The following KCNQ1 variants were observed in gnomAD, a reference collection of about 807,000 sequenced individuals.
KCNQ1 encodes the protein potassium voltage-gated channel subfamily Q member 1, also known as potassium voltage-gated channel subfamily KQT member 1.
KCNQ1 carries 49 observed loss-of-function variants against 72.4 expected under a neutral mutation model. The observed-to-expected ratio is 0.68, with a 90% confidence interval of 0.54 to 0.86. The LOEUF is 0.86. Among genes scored for constraint, KCNQ1 ranks in the 40% least tolerant of loss-of-function variants. The pLI, the probability that KCNQ1 is intolerant of heterozygous loss-of-function variation, is 0.00. For synonymous variants in KCNQ1, 450 were observed against 412.6 expected (o/e 1.09, Z -1.10); for missense variants, 790 against 945.1 (o/e 0.84, Z 2.15).
Position 2,698,824 on chromosome 11 carries a change from C to A in KCNQ1, c.1514+36743C>A. ...TCCCGATCCTCTGTCCCTAATGAGG[C>A]CCTACCTAAAACCACCATGCGGACT... On this transcript the variant is annotated intron_variant, in intron 11 of 15. Coordinates refer to ENST00000155840, the MANE Select transcript of KCNQ1 (RefSeq NM_000218.3). The surrounding 1 kb of genome is among the most constrained non-coding windows in gnomAD (Gnocchi z 5.1). 1 of 398,818 alleles carries A rather than the reference C, an allele frequency of 2.5e-6. No homozygotes were observed. Among genetic ancestry groups the A allele is most frequent in the Admixed American group, 4.4e-5 (1 of 22,730 alleles). The allele number at this position is 398,818 out of a possible 1,614,324, so 24.7% of individuals were successfully genotyped here.
intron 11 of KCNQ1, among the ~76,000 whole-genome samples, chr11:2,730,616 A>G (rs1199741033): frequency 6.6e-6 from 1 of 152,204 alleles, no homozygotes; most frequent in Non-Finnish European, 1.5e-5. Context: ...AGGCCCCAGG[A>G]GGCAGGTGGA....
chr11:2,735,321 G>A lies in KCNQ1; in HGVS notation c.1515-33523G>A, dbSNP rs139582694. Reference sequence around the variant, plus strand: ...GCCCTGGGGTGGGAGGTGGGGACAGGCTAATGGCAATTGAGGCCCTGCCCG... The same window carrying A: ...GCCCTGGGGTGGGAGGTGGGGACAGACTAATGGCAATTGAGGCCCTGCCCG... On this transcript the variant is annotated intron_variant, in intron 11 of 15. Transcript: ENST00000155840. The surrounding 1 kb of genome is among the most constrained non-coding windows in gnomAD (Gnocchi z 7.7). 1.6e-3 allele frequency among the ~76,000 whole-genome samples: 242 copies of A among 152,142 alleles called. 1 individual carries two copies. The highest frequency in any genetic ancestry group is 3.4e-3 in the Middle Eastern group (1 of 294).
At chr11:2,542,987 G>A (rs113974627) in intron 2 of KCNQ1, among the ~76,000 whole-genome samples, 79 of 152,294 alleles carry the variant, frequency 5.2e-4, no homozygotes, top group African/African-American at 1.9e-3. Context: ...AACCCTTGAC[G>A]TGGTCCGTCA....
In KCNQ1 at chr11:2,809,097, T is replaced by C. The variant is rs1013225705; in HGVS notation, c.1794+31060T>C. Among the ~76,000 whole-genome samples, 6 of 151,464 alleles carry C rather than the reference T, an allele frequency of 4.0e-5. No homozygotes were observed. The highest frequency in any genetic ancestry group is 1.2e-4 in the African/African-American group (5 of 41,182). On this transcript the variant is annotated intron_variant, in intron 15 of 15. Coordinates refer to ENST00000155840, the MANE Select transcript of KCNQ1 (RefSeq NM_000218.3). The surrounding 1 kb of genome is among the most constrained non-coding windows in gnomAD (Gnocchi z 7.1). The stretch of plus-strand genomic sequence containing the variant: ...GGTGGCCAGACAATGGATGTGTGAG[T>C]GAGTAGATGAATGAGTGGGCAGACA...
intron 11 of KCNQ1, among the ~76,000 whole-genome samples, chr11:2,733,810 A>ACT (rs1564875279): frequency 3.4e-5 from 2 of 58,256 alleles, no homozygotes; most frequent in South Asian, 5.2e-4. Flanking sequence ...ACACACACAC[A>ACT]CACACTCTCT....
intron 1 of KCNQ1, among the ~76,000 whole-genome samples, chr11:2,459,624 G>C (rs1032629414): frequency 6.6e-6 from 1 of 152,136 alleles, no homozygotes; most frequent in Non-Finnish European, 1.5e-5. Context: ...TTGTTGTTCC[G>C]TCCACAGTAG....
intron 2 of KCNQ1, among the ~76,000 whole-genome samples, chr11:2,535,376 C>A (rs1275020178): frequency 1.3e-5 from 2 of 152,192 alleles, no homozygotes; most frequent in African/African-American, 2.4e-5. Context: ...TCAGGGTCGA[C>A]CCCTGATGTC....
At chr11:2,841,554 C>T (rs1217554864) in intron 15 of KCNQ1, among the ~76,000 whole-genome samples, 2 of 152,172 alleles carry the variant, frequency 1.3e-5, no homozygotes, top group African/African-American at 2.4e-5. Context: ...GGTAGTTGGT[C>T]GTGCCCTGTG....
At chr11:2,702,334 G>A (rs960575883) in intron 11 of KCNQ1, among the ~76,000 whole-genome samples, 3 of 152,178 alleles carry the variant, frequency 2.0e-5, no homozygotes, top group Admixed American at 6.5e-5. Context: ...TTCAGTCCTC[G>A]CTCTTGGACA....
chr11:2,605,705 G>C (rs1483775142), intron 10 of KCNQ1, among the ~76,000 whole-genome samples: 2 of 152,172 alleles, frequency 1.3e-5, no homozygotes, highest in Admixed American at 6.5e-5. Context: ...TCAATTTGGA[G>C]ATCAGGAAGT....
At chr11:2,631,214 G>C in intron 10 of KCNQ1, 1 of 398,440 alleles carries the variant, frequency 2.5e-6, no homozygotes, top group Non-Finnish European at 4.4e-6. Context: ...TATAAATCCT[G>C]TGTGAACATT....
intron 11 of KCNQ1, among the ~76,000 whole-genome samples, chr11:2,765,056 T>C (rs545317264): frequency 5.3e-5 from 8 of 152,242 alleles, no homozygotes; most frequent in African/African-American, 9.6e-5. Flanking sequence ...AATGGTAATT[T>C]GCCATTTTTT....
In KCNQ1 at chr11:2,654,182, G is replaced by A; in HGVS notation, c.1394-7779G>A. Reference sequence around the variant, plus strand: ...CATGGGCAGCTGGCACAGGCTGTGGGGCTGCGGCTCAGCAATGTCACGCAG... The same window carrying A: ...CATGGGCAGCTGGCACAGGCTGTGGAGCTGCGGCTCAGCAATGTCACGCAG... On this transcript the variant is annotated intron_variant, in intron 10 of 15. Coordinates refer to ENST00000155840, the MANE Select transcript of KCNQ1 (RefSeq NM_000218.3). This position sits in a 1 kb window ranked among gnomAD's most constrained non-coding sequence, Gnocchi z 6.4. 1 of 398,842 alleles carries A rather than the reference G, an allele frequency of 2.5e-6. No individual in the cohort carries two copies. Among genetic ancestry groups the A allele is most frequent in the Admixed American group, 4.4e-5 (1 of 22,752 alleles). The allele number at this position is 398,842 out of a possible 1,614,324, so 24.7% of individuals were successfully genotyped here. A position where few individuals can be genotyped will look rare whatever the true frequency, so the allele number is the denominator to read the frequency against.
Position 2,559,506 on chromosome 11 carries a change from C to T in KCNQ1, c.478-11122C>T, listed in dbSNP as rs756606618. 6.6e-5 allele frequency among the ~76,000 whole-genome samples: 10 copies of T among 152,172 alleles called. No homozygotes were observed. Among genetic ancestry groups the T allele is most frequent in the Non-Finnish European group, 1.3e-4 (9 of 68,034 alleles). On this transcript the variant is annotated intron_variant, in intron 2 of 15. Coordinates refer to ENST00000155840, the MANE Select transcript of KCNQ1 (RefSeq NM_000218.3). This position sits in a 1 kb window ranked among gnomAD's most constrained non-coding sequence, Gnocchi z 4.9. ...GGACACTGGGCCTCATGCCGCCTGT[C>T]AGGATGGTGTCCGGGATGTGGGGAC... is the stretch of plus-strand genomic sequence containing the variant.
Position 2,617,739 on chromosome 11 carries a change from G to A in KCNQ1, c.1393+28885G>A. 5.0e-6 allele frequency: 2 copies of A among 398,516 alleles called. No homozygotes were observed. Among genetic ancestry groups the A allele is most frequent in the African/African-American group, 2.1e-5 (1 of 48,718 alleles). The allele number at this position is 398,516 out of a possible 1,614,324, so 24.7% of individuals were successfully genotyped here. A position where few individuals can be genotyped will look rare whatever the true frequency, so the allele number is the denominator to read the frequency against. Reference sequence around the variant, plus strand: ...TTAATAGCTATTCTCATGAGTGTGAGGTGATATCGCATAGTAATTTTGATT... The same window carrying A: ...TTAATAGCTATTCTCATGAGTGTGAAGTGATATCGCATAGTAATTTTGATT... On this transcript the variant is annotated intron_variant, in intron 10 of 15. Coordinates refer to ENST00000155840, the MANE Select transcript of KCNQ1 (RefSeq NM_000218.3). This position sits in a 1 kb window ranked among gnomAD's most constrained non-coding sequence, Gnocchi z 4.6.
chr11:2,708,547 T>G (rs1850950379), intron 11 of KCNQ1, among the ~76,000 whole-genome samples: 1 of 150,482 alleles, frequency 6.6e-6, no homozygotes, highest in South Asian at 2.1e-4. Flanking sequence ...CCCAAGAGGG[T>G]CGGTGCGGAG....
In KCNQ1 at chr11:2,834,520, G is replaced by A. The variant is rs116361410; in HGVS notation, c.1795-13247G>A. Among the ~76,000 whole-genome samples the A allele has an allele frequency of 5.5e-3, 842 of 152,338 alleles. 9 individuals are homozygous for A. Among genetic ancestry groups the A allele is most frequent in the African/African-American group, 0.019 (800 of 41,576 alleles). On this transcript the variant is annotated intron_variant, in intron 15 of 15. Coordinates refer to ENST00000155840, the MANE Select transcript of KCNQ1 (RefSeq NM_000218.3). The stretch of plus-strand genomic sequence containing the variant: ...GGTCTGTCTCCAAGGTCTTTTGGGG[G>A]CTGCCCCAGCTCCCCCAACACAGAC...
intron 15 of KCNQ1, among the ~76,000 whole-genome samples, chr11:2,835,453 G>A (rs560383823): frequency 6.6e-6 from 1 of 151,806 alleles, no homozygotes; most frequent in South Asian, 2.1e-4. Flanking sequence ...CAGGCTCCTC[G>A]GCCAGTCACC....
intron 1 of KCNQ1, among the ~76,000 whole-genome samples, chr11:2,527,566 C>T (rs1000895845): frequency 6.6e-6 from 1 of 152,232 alleles, no homozygotes; most frequent in Admixed American, 6.5e-5. Context: ...CACAGCAGTC[C>T]CGCCCTGGGG....
Sources: gnomAD v4.1 joint callset for allele counts (sites outside exome capture counted in the v4.1 genomes callset) on GRCh38, gnomAD v4.1.1 for gene constraint, Gnocchi (gnomAD v3.1) non-coding constraint, MANE v1.5 for transcripts, NCBI Gene and HGNC (gene_info 2026-07-23, HGNC 2026-07-21) for gene names.